Variants in COP1 observed in about 807,000 individuals in gnomAD.
COP1 encodes E3 ubiquitin-protein ligase COP1.
A neutral mutation model predicts 101.3 loss-of-function variants in COP1; 24 were observed. The observed-to-expected ratio is 0.24, with a 90% CI of 0.17 to 0.33. COP1 has a LOEUF of 0.33. Ranked by LOEUF, COP1 falls within the 10% of genes least tolerant of loss-of-function variation. COP1 has a pLI of 1.00. For synonymous variants in COP1, 347 were observed against 341.9 expected, an observed-to-expected ratio of 1.01 and a Z score of -0.17; for missense variants, 663 against 906.2, an observed-to-expected ratio of 0.73 and a Z score of 3.45.
intron 18 of COP1, among the ~76,000 whole-genome samples, chr1:175,953,765 A>AT (rs1650258293): frequency 1.4e-5 from 1 of 69,932 alleles, no homozygotes. Flanking sequence ...GTCAACTTAT[A>AT]AAAAAAAAAA....
intron 1 of COP1, among the ~76,000 whole-genome samples, chr1:176,188,067 T>C (rs913533740): frequency 6.6e-6 from 1 of 152,058 alleles, no homozygotes; most frequent in Non-Finnish European, 1.5e-5. Flanking sequence ...ATCAGGAATC[T>C]AGCCCTCACC....
intron 9 of COP1, among the ~76,000 whole-genome samples, chr1:176,112,789 T>C (rs1685521432): frequency 6.6e-6 from 1 of 152,130 alleles, no homozygotes; most frequent in Admixed American, 6.6e-5. Flanking sequence ...TTGGCTCCCA[T>C]TTAAGAATGA....
At chr1:176,119,039 T>A (rs1686672192) in intron 8 of COP1, among the ~76,000 whole-genome samples, 1 of 152,240 alleles carries the variant, frequency 6.6e-6, no homozygotes, top group Non-Finnish European at 1.5e-5. Flanking sequence ...AAAAGAGCCT[T>A]TGAAGAACTT....
chr1:176,193,026 C>A (rs1033913730), intron 1 of COP1, among the ~76,000 whole-genome samples: 1 of 152,150 alleles, frequency 6.6e-6, no homozygotes, highest in African/African-American at 2.4e-5. Context: ...AAAATGCATT[C>A]AAACAGTGAA....
intron 15 of COP1, among the ~76,000 whole-genome samples, chr1:176,019,614 A>G (rs1440001551): frequency 6.6e-6 from 1 of 151,670 alleles, no homozygotes; most frequent in East Asian, 1.9e-4. Flanking sequence ...CAATCCCAGG[A>G]CCATGGGAAG....
intron 9 of COP1, among the ~76,000 whole-genome samples, chr1:176,093,578 A>G (rs4364829): frequency 0.75 from 114,673 of 151,906 alleles, 45,077 homozygotes; most frequent in East Asian, 0.92. Flanking sequence ...GGTGGCTCAC[A>G]CCTGTAATCC....
At chr1:175,951,220 G>A (rs1161149299) in intron 18 of COP1, among the ~76,000 whole-genome samples, 1 of 151,708 alleles carries the variant, frequency 6.6e-6, no homozygotes, top group African/African-American at 2.4e-5. Flanking sequence ...CTGCACTACA[G>A]CCTGGCCAAC....
rs1237578569 is a variant in COP1, at chr1:176,206,922, CG to C, written c.56del (p.Ser19TrpfsTer6). 1 of 1,463,424 alleles carries C rather than the reference CG, an allele frequency of 6.8e-7. No individual in the cohort carries two copies. The highest frequency in any genetic ancestry group is 1.5e-5 in the African/African-American group (1 of 68,228). 90.7% of individuals were successfully genotyped at this position (1,463,424 alleles called of 1,614,324 possible). A position where few individuals can be genotyped will look rare whatever the true frequency, so the allele number is the denominator to read the frequency against. ...SGSAGTSPGSSAASSVTSASS... is the reference protein window; with the variant it reads ...SGSAGTSPGSXAASSVTSASS... ...AGGCGGAAGTCACCGAGGAGGCCGCCGAGGACCCGGGGCTTGTCCCAGCGGA... is the reference window on the plus strand; with the variant it reads ...AGGCGGAAGTCACCGAGGAGGCCGCCAGGACCCGGGGCTTGTCCCAGCGGA... On this transcript the variant is annotated frameshift_variant, in exon 1 of 20. Coordinates refer to ENST00000367669, the MANE Select transcript of COP1 (RefSeq NM_022457.7). LOFTEE classifies it high-confidence loss of function.
intron 15 of COP1, among the ~76,000 whole-genome samples, chr1:176,001,466 G>A (rs1661579664): frequency 6.6e-6 from 1 of 152,092 alleles, no homozygotes; most frequent in Non-Finnish European, 1.5e-5. Context: ...TGGACAGAAT[G>A]ATGTCTTTTG....
At chr1:176,151,560 T>C (rs1410602389) in intron 5 of COP1, among the ~76,000 whole-genome samples, 4 of 152,326 alleles carry the variant, frequency 2.6e-5, no homozygotes, top group African/African-American at 9.6e-5. Context: ...CGAGTTTTTA[T>C]AGAACATTGG....
intron 8 of COP1, among the ~76,000 whole-genome samples, chr1:176,127,620 T>C (rs935005508): frequency 6.6e-6 from 1 of 151,862 alleles, no homozygotes; most frequent in Admixed American, 6.6e-5. Flanking sequence ...TGTGTATATA[T>C]ATATACATAC....
chr1:176,003,963 T>C (rs1211978154), intron 15 of COP1, among the ~76,000 whole-genome samples: 2 of 151,836 alleles, frequency 1.3e-5, no homozygotes, highest in South Asian at 2.1e-4. Flanking sequence ...TTTCAGGATA[T>C]TGATTCTTCC....
At chr1:175,967,888 G>A (rs1378059336) in intron 18 of COP1, among the ~76,000 whole-genome samples, 1 of 151,320 alleles carries the variant, frequency 6.6e-6, no homozygotes, top group Non-Finnish European at 1.5e-5. Context: ...TTTTTTTTGA[G>A]ATGGAGTCTC....
At position 176,127,200 on chromosome 1, in the gene COP1, TTC is replaced by T. The variant is rs529226798; in HGVS notation, c.968+7808_968+7809del. Among the ~76,000 whole-genome samples the T allele has an allele frequency of 1.6e-3, 250 of 152,308 alleles. 1 individual carries two copies. The highest frequency in any genetic ancestry group is 5.7e-3 in the African/African-American group (239 of 41,572). On this transcript the variant is annotated intron_variant, in intron 8 of 19. Coordinates refer to ENST00000367669, the MANE Select transcript of COP1 (RefSeq NM_022457.7). ...GCATATCCACCACCTCAAATATTTC[TTC>T]TGAGAACATTTAAAATCCTCTCTTT...
rs907908432 is a variant in COP1, at chr1:175,994,977, T to C, written c.1730-5498A>G. On this transcript the variant is annotated intron_variant, in intron 15 of 19. Coordinates refer to ENST00000367669, the MANE Select transcript of COP1 (RefSeq NM_022457.7). ...GCACCACACAACACCTATTCCAAAA[T>C]TGACCACATAGTTGGAAGTAAAGCT... 7.9e-5 allele frequency among the ~76,000 whole-genome samples: 12 copies of C among 152,266 alleles called. No individual in the cohort carries two copies. In the Middle Eastern group the frequency reaches 0.014, roughly 173 times the overall value.
At chr1:176,163,929 G>C in intron 3 of COP1, 38 bp from the exon 4 acceptor site, 1 of 1,408,760 alleles carries the variant, frequency 7.1e-7, no homozygotes, top group Non-Finnish European at 9.9e-7. Context: ...CACATAATTT[G>C]TATTTTTGTT....
At chr1:175,953,567 G>C (rs1650223595) in intron 18 of COP1, among the ~76,000 whole-genome samples, 1 of 151,886 alleles carries the variant, frequency 6.6e-6, no homozygotes, top group Non-Finnish European at 1.5e-5. Context: ...AGATCAGCTT[G>C]AGCAACAAAG....
chr1:176,196,990 T>C (rs997038662), intron 1 of COP1, among the ~76,000 whole-genome samples: 2 of 151,998 alleles, frequency 1.3e-5, no homozygotes, highest in African/African-American at 2.4e-5. Flanking sequence ...ATAATACCTA[T>C]GTTACGGGTT....
intron 5 of COP1, among the ~76,000 whole-genome samples, chr1:176,159,166 T>G (rs578057222): frequency 1.3e-5 from 2 of 152,226 alleles, no homozygotes; most frequent in South Asian, 4.1e-4. Flanking sequence ...CTTGGCAAAG[T>G]AGTAATATAC....
Sources: allele counts gnomAD v4.1 joint callset (sites outside exome capture counted in the v4.1 genomes callset), GRCh38; gene constraint gnomAD v4.1.1; transcripts MANE v1.5; gene names NCBI Gene and HGNC (gene_info 2026-07-23, HGNC 2026-07-21).